NOL4: variants seen among roughly 807,000 people sequenced by gnomAD.
NOL4 encodes the protein cancer/testis antigen 125.
In NOL4, 17 loss-of-function variants were observed where a neutral mutation model predicts 75.9. The ratio of observed to expected loss-of-function variants is 0.22; its 90% CI spans 0.15 to 0.34. The LOEUF is 0.34. Among genes scored for constraint, NOL4 ranks in the 10% least tolerant of loss-of-function variants. NOL4 has a pLI of 1.00. For synonymous variants in NOL4, 292 were observed against 289.9 expected (o/e 1.01, Z -0.07); for missense variants, 614 against 793.5 (o/e 0.77, Z 2.72).
At chr18:33,918,083 A>G (rs1176767146) in intron 9 of NOL4, among the ~76,000 whole-genome samples, 1 of 152,248 alleles carries the variant, frequency 6.6e-6, no homozygotes, top group Admixed American at 6.5e-5. Context: ...AAACATGAAT[A>G]ACGTGTTTAC....
chr18:33,940,523 G>A (rs1180983675), intron 9 of NOL4, among the ~76,000 whole-genome samples: 1 of 151,910 alleles, frequency 6.6e-6, no homozygotes, highest in Non-Finnish European at 1.5e-5. Flanking sequence ...CACAGGGAGG[G>A]AACATCACAC....
intron 6 of NOL4, among the ~76,000 whole-genome samples, chr18:34,002,030 C>G (rs1426642258): frequency 6.6e-6 from 1 of 152,072 alleles, no homozygotes; most frequent in Non-Finnish European, 1.5e-5. Flanking sequence ...GTACCACTCA[C>G]CCAGGTCCCC....
intron 5 of NOL4, among the ~76,000 whole-genome samples, chr18:34,051,860 C>T (rs2076637759): frequency 6.6e-6 from 1 of 151,640 alleles, no homozygotes; most frequent in Non-Finnish European, 1.5e-5. Flanking sequence ...AAAATAAATT[C>T]AAATTTTGGA....
At chr18:34,137,983 T>C (rs971139048) in intron 1 of NOL4, among the ~76,000 whole-genome samples, 2 of 152,118 alleles carry the variant, frequency 1.3e-5, no homozygotes, top group Admixed American at 6.6e-5. Context: ...CTTTCTACCA[T>C]AAAGAGAAAT....
At chr18:34,025,175 A>T (rs2144561934) in intron 5 of NOL4, among the ~76,000 whole-genome samples, 1 of 152,308 alleles carries the variant, frequency 6.6e-6, no homozygotes, top group Admixed American at 6.5e-5. Flanking sequence ...CAAAACTAAT[A>T]AACAAAAATA....
chr18:34,203,685 C>CCTCTCTCTCTCTCT (rs1226376797), intron 1 of NOL4, among the ~76,000 whole-genome samples: 36 of 100,756 alleles, frequency 3.6e-4, no homozygotes, highest in African/African-American at 1.3e-3. Flanking sequence ...TCTCTCTCTC[C>CCTCTCTCTCTCTCT]CTCTCTCTCT....
intron 10 of NOL4, among the ~76,000 whole-genome samples, chr18:33,875,888 T>C (rs1420711305): frequency 6.6e-6 from 1 of 152,154 alleles, no homozygotes; most frequent in African/African-American, 2.4e-5. Context: ...CTTGAAAATG[T>C]ATCTCTCAAT....
intron 1 of NOL4, among the ~76,000 whole-genome samples, chr18:34,162,405 T>G (rs1232590688): frequency 2.6e-5 from 4 of 152,022 alleles, no homozygotes; most frequent in Non-Finnish European, 4.4e-5. Context: ...ATAAAGGGGA[T>G]ATCACTACCA....
intron 1 of NOL4, among the ~76,000 whole-genome samples, chr18:34,211,713 C>T (rs2036527721): frequency 1.3e-5 from 2 of 152,136 alleles, no homozygotes; most frequent in Admixed American, 6.5e-5. Flanking sequence ...ATAACTATCA[C>T]AAATGAATAT....
At chr18:33,935,648 A>C (rs2068010542) in intron 9 of NOL4, among the ~76,000 whole-genome samples, 2 of 152,168 alleles carry the variant, frequency 1.3e-5, no homozygotes, top group African/African-American at 4.8e-5. Context: ...CACAGTGACC[A>C]CATGCTGTTG....
At chr18:33,887,198 T>C (rs2064792770) in intron 9 of NOL4, among the ~76,000 whole-genome samples, 1 of 146,764 alleles carries the variant, frequency 6.8e-6, no homozygotes, top group Non-Finnish European at 1.5e-5. Context: ...CCCACAAAAA[T>C]TAGAAATAAA....
intron 8 of NOL4, among the ~76,000 whole-genome samples, chr18:33,950,775 T>C (rs1439526990): frequency 6.6e-6 from 1 of 152,134 alleles, no homozygotes; most frequent in African/African-American, 2.4e-5. Flanking sequence ...GACAAAGACC[T>C]AGTTGACTTA....
At chr18:34,144,791 T>A (rs1199403193) in intron 1 of NOL4, among the ~76,000 whole-genome samples, 7 of 152,200 alleles carry the variant, frequency 4.6e-5, no homozygotes, top group African/African-American at 1.7e-4. Context: ...TACTTTTTTA[T>A]TACGATAAAA....
intron 2 of NOL4, among the ~76,000 whole-genome samples, chr18:34,111,392 A>G (rs2079581712): frequency 1.3e-5 from 2 of 152,136 alleles, no homozygotes; most frequent in South Asian, 4.1e-4. Flanking sequence ...CCAGTCTAGT[A>G]GTGTTAGGCT....
rs150830892 is a variant in NOL4 at position 33,893,685 on chromosome 18, T to C, written c.1543-10261A>G. 1.6e-3 allele frequency among the ~76,000 whole-genome samples: 239 copies of C among 152,306 alleles called. 1 individual carries two copies. Among genetic ancestry groups the C allele is most frequent in the African/African-American group, 5.5e-3 (228 of 41,576 alleles). ...GCCTTTAAAGATCAGAAAACTTCAA[T>C]AAAATTACTGCTATATTCAGTAATA... On this transcript the variant is annotated intron_variant, in intron 9 of 10. Coordinates refer to ENST00000261592, the MANE Select transcript of NOL4 (RefSeq NM_003787.5).
At chr18:34,166,533 G>A (rs2032354306) in intron 1 of NOL4, among the ~76,000 whole-genome samples, 1 of 151,990 alleles carries the variant, frequency 6.6e-6, no homozygotes, top group Non-Finnish European at 1.5e-5. Context: ...CATTTGAACT[G>A]GAGCCAATGG....
chr18:33,862,985 G>A (rs534030232), intron 10 of NOL4, among the ~76,000 whole-genome samples: 18 of 152,228 alleles, frequency 1.2e-4, no homozygotes, highest in East Asian at 3.9e-4. Context: ...TGTTTATTGC[G>A]GCACTGTTCA....
At chr18:33,997,092 G>A (rs918061556) in intron 6 of NOL4, among the ~76,000 whole-genome samples, 1 of 151,776 alleles carries the variant, frequency 6.6e-6, no homozygotes, top group Non-Finnish European at 1.5e-5. Flanking sequence ...AAGCTCTTTA[G>A]TTTAACTAGG....
chr18:34,044,541 T>C (rs944985592), intron 5 of NOL4, among the ~76,000 whole-genome samples: 3 of 152,062 alleles, frequency 2.0e-5, no homozygotes, highest in African/African-American at 7.2e-5. Flanking sequence ...ACATGACAAG[T>C]TTTCATATAC....
Sources: allele counts gnomAD v4.1 joint callset (sites outside exome capture counted in the v4.1 genomes callset), GRCh38; gene constraint gnomAD v4.1.1; transcripts MANE v1.5; gene names NCBI Gene and HGNC (gene_info 2026-07-23, HGNC 2026-07-21).